TTLL8: variants seen among roughly 807,000 people sequenced by gnomAD.
TTLL8 encodes the protein protein monoglycylase TTLL8.
TTLL8 carries 65 observed loss-of-function variants against 77.8 expected under a neutral mutation model. The ratio of observed to expected loss-of-function variants is 0.84; its 90% CI spans 0.68 to 1.03. TTLL8 has a LOEUF of 1.03. Among genes scored for constraint, TTLL8 ranks in the 50% least tolerant of loss-of-function variants. The pLI is 0.00. For missense variants in TTLL8, 910 were observed against 1,004.5 expected, an observed-to-expected ratio of 0.91 and a Z score of 1.27; for synonymous variants, 402 against 422.8, an observed-to-expected ratio of 0.95 and a Z score of 0.60.
intron 12 of TTLL8, among the ~76,000 whole-genome samples, chr22:50,024,084 C>T (rs1227888023): frequency 6.6e-6 from 1 of 152,168 alleles, no homozygotes; most frequent in Non-Finnish European, 1.5e-5. Context: ...GTAGCCAACG[C>T]AATTTTGAAG....
At chr22:50,057,640 T>TGAGCGGAAGGTCTGGGTTG (rs1569237353), upstream of TTLL8, among the ~76,000 whole-genome samples, 46 of 27,774 alleles carry the variant, frequency 1.7e-3, 1 homozygote, top group East Asian at 8.1e-3. Flanking sequence ...AGGTCTGGGT[T>TGAGCGGAAGGTCTGGGTTG]GGGGTCAGGT....
intron 5 of TTLL8, chr22:50,045,653 C>A: frequency 1.5e-6 from 1 of 683,940 alleles, no homozygotes; most frequent in Non-Finnish European, 1.8e-6. Context: ...ACAAGCCTAG[C>A]ACAGAACCAC....
intron 6 of TTLL8, among the ~76,000 whole-genome samples, chr22:50,043,815 C>T (rs1418969951): frequency 6.6e-6 from 1 of 151,972 alleles, no homozygotes; most frequent in Non-Finnish European, 1.5e-5. Context: ...CTAGAAAAGG[C>T]AAAACCGTGG....
chr22:50,038,010 T>TAC (rs139308851), intron 8 of TTLL8, among the ~76,000 whole-genome samples: 9,911 of 151,022 alleles, frequency 0.066, 385 homozygotes, highest in Middle Eastern at 0.12. Context: ...TAACATGTTA[T>TAC]ACACACACAC....
upstream of TTLL8, among the ~76,000 whole-genome samples, chr22:50,055,610 G>A (rs891643957): frequency 5.3e-5 from 8 of 150,144 alleles, no homozygotes; most frequent in South Asian, 2.1e-4. Context: ...AGCCGAGATC[G>A]CGCCATTGCA....
At chr22:50,057,961 G>A (rs1334741498), upstream of TTLL8, among the ~76,000 whole-genome samples, 1 of 151,844 alleles carries the variant, frequency 6.6e-6, no homozygotes, top group African/African-American at 2.4e-5. Context: ...CTGTGGTTCC[G>A]AGCTAGGCGG....
intron 12 of TTLL8, among the ~76,000 whole-genome samples, chr22:50,022,492 T>A (rs2061210348): frequency 6.6e-6 from 1 of 150,820 alleles, no homozygotes; most frequent in Non-Finnish European, 1.5e-5. Context: ...CCATCTGACG[T>A]GCACTCCTCC....
intron 12 of TTLL8, among the ~76,000 whole-genome samples, chr22:50,027,003 G>A (rs1433808612): frequency 1.3e-5 from 2 of 152,290 alleles, no homozygotes; most frequent in Non-Finnish European, 2.9e-5. Context: ...GGAGGCCGAG[G>A]TGGGTGGATC....
intron 5 of TTLL8, 68 bp from the exon 8 acceptor site, chr22:50,045,457 G>A: frequency 7.6e-7 from 1 of 1,315,574 alleles, no homozygotes; most frequent in Non-Finnish European, 1.0e-6. Context: ...TGGGGCCAGG[G>A]CCACGGAGGC....
intron 12 of TTLL8, chr22:50,027,697 C>T (rs546061214): frequency 2.0e-5 from 20 of 985,440 alleles, no homozygotes; most frequent in East Asian, 1.1e-4. Flanking sequence ...ACCCTGTCGC[C>T]GCAGGCCTTT....
rs114490472 is a variant in TTLL8 at position 50,034,152 on chromosome 22, G to A, written c.1039+193C>T. ...TCAACCCGGATCCTGCCCTGTGATC[G>A]GAACACATGCTGTGAAGACGCCTCC... On this transcript the variant is annotated intron_variant, in intron 9 of 13. Transcript: ENST00000266182. This position sits in a 1 kb window ranked among gnomAD's most constrained non-coding sequence, Gnocchi z 4.1. 195 of 355,618 alleles carry A rather than the reference G, an allele frequency of 5.5e-4. No homozygotes were observed. The highest frequency in any genetic ancestry group is 3.1e-3 in the African/African-American group (139 of 45,180). The allele number at this position is 355,618 out of a possible 1,614,324, so 22.0% of individuals were successfully genotyped here.
At chr22:50,056,522 C>A (rs982571213), upstream of TTLL8, among the ~76,000 whole-genome samples, 12 of 152,158 alleles carry the variant, frequency 7.9e-5, no homozygotes, top group African/African-American at 2.9e-4. This position sits in a 1 kb window ranked among gnomAD's most constrained non-coding sequence, Gnocchi z 4.1. Context: ...TTTACCCACG[C>A]AACGAAGACG....
chr22:50,056,347 A>G (rs2061470573), upstream of TTLL8, among the ~76,000 whole-genome samples: 1 of 151,306 alleles, frequency 6.6e-6, no homozygotes, highest in Non-Finnish European at 1.5e-5. This position sits in a 1 kb window ranked among gnomAD's most constrained non-coding sequence, Gnocchi z 4.1. Flanking sequence ...TGCAAATTAA[A>G]ACCACACACC....
At chr22:50,050,687 A>G (rs1418734811) in intron 1 of TTLL8, among the ~76,000 whole-genome samples, 1 of 152,182 alleles carries the variant, frequency 6.6e-6, no homozygotes, top group Non-Finnish European at 1.5e-5. Context: ...TAAAAAAAGT[A>G]ATAATAATAA....
chr22:50,052,587 C>G (rs2061450134), intron 1 of TTLL8, among the ~76,000 whole-genome samples: 1 of 152,098 alleles, frequency 6.6e-6, no homozygotes, highest in Admixed American at 6.6e-5. Context: ...AAGAGACCAT[C>G]AAACACATAG....
rs773119255 is a variant in TTLL8, at chr22:50,030,884, G to T, written c.1749C>A (p.Cys583Ter). ...CTCTCCTCACACTGACGCCCGCCAC[G>T]CAGAGGTCGGACCCGCTGAATGGGG... Residue 583 changes from cysteine to a stop codon, truncating the protein, a stop_gained, in exon 12 of 14, where the codon TGC (cysteine) becomes TGA (stop). Coordinates refer to ENST00000266182, the Ensembl canonical transcript of TTLL8. LOFTEE classifies it high-confidence loss of function. 3.4e-5 allele frequency: 45 copies of T among 1,324,612 alleles called. No individual in the cohort carries two copies. The highest frequency in any genetic ancestry group is 4.5e-5 in the Non-Finnish European group (45 of 1,006,218). The allele number at this position is 1,324,612 out of a possible 1,614,324, so 82.1% of individuals were successfully genotyped here.
rs1601914352 is a variant in TTLL8 at position 50,031,579 on chromosome 22, C to T, written c.1707+107G>A. The T allele has an allele frequency of 9.2e-6, 11 of 1,192,652 alleles. No individual in the cohort carries two copies. In the South Asian group the frequency reaches 1.1e-4, roughly 12 times the overall value. The allele number at this position is 1,192,652 out of a possible 1,614,324, so 73.9% of individuals were successfully genotyped here. A position where few individuals can be genotyped will look rare whatever the true frequency, so the allele number is the denominator to read the frequency against. On this transcript the variant is annotated intron_variant, in intron 11 of 13. Coordinates refer to ENST00000266182, the Ensembl canonical transcript of TTLL8. ...GAGCAGGATCGGTGTCCTCCATAGA[C>T]CCCGCTGCACTGGCGGCCTGCAGCT...
chr22:50,057,537 C>T (rs932901660), upstream of TTLL8, among the ~76,000 whole-genome samples: 16 of 11,282 alleles, frequency 1.4e-3, 1 homozygote, highest in African/African-American at 6.6e-3. Context: ...CTGGGTTGAG[C>T]GGGAGGTCTG....
Position 50,044,922 on chromosome 22 carries a change from C to T in TTLL8, c.643+333G>A, listed in dbSNP as rs927104015. On this transcript the variant is annotated intron_variant, in intron 6 of 13. Coordinates refer to ENST00000266182, the Ensembl canonical transcript of TTLL8. This position sits in a 1 kb window ranked among gnomAD's most constrained non-coding sequence, Gnocchi z 4.2. ...GGCCCCTTTGGGGAGACTCAGGCTGCGGCATCGTGGTGGCCGTGGGGTGGG... is the reference window on the plus strand; with the variant it reads ...GGCCCCTTTGGGGAGACTCAGGCTGTGGCATCGTGGTGGCCGTGGGGTGGG... Among the ~76,000 whole-genome samples, 5 of 152,168 alleles carry T rather than the reference C, an allele frequency of 3.3e-5. No individual in the cohort carries two copies. Among genetic ancestry groups the T allele is most frequent in the African/African-American group, 7.2e-5 (3 of 41,434 alleles).
Sources: allele counts gnomAD v4.1 joint callset (sites outside exome capture counted in the v4.1 genomes callset), GRCh38; gene constraint gnomAD v4.1.1; non-coding constraint Gnocchi (gnomAD v3.1); transcripts MANE v1.5; gene names NCBI Gene and HGNC (gene_info 2026-07-23, HGNC 2026-07-21).